The following TAF2 variants were observed in gnomAD, a reference collection of about 807,000 sequenced individuals.
The protein encoded by TAF2 is transcription initiation factor TFIID subunit 2.
TAF2 carries 61 observed loss-of-function variants against 138.5 expected under a neutral mutation model. The ratio of observed to expected loss-of-function variants is 0.44; its 90% CI spans 0.36 to 0.54. TAF2 has a LOEUF of 0.54. Ranked by LOEUF, TAF2 falls within the 20% of genes least tolerant of loss-of-function variation. The pLI is 0.00. For synonymous variants in TAF2, 475 were observed against 469.9 expected, an observed-to-expected ratio of 1.01 and a Z score of -0.14; for missense variants, 1,090 against 1,427.9, an observed-to-expected ratio of 0.76 and a Z score of 3.81.
chr8:119,821,667 T>C (rs913941301), intron 2 of TAF2, among the ~76,000 whole-genome samples: 1 of 152,166 alleles, frequency 6.6e-6, no homozygotes, highest in African/African-American at 2.4e-5. Context: ...AACTGTATGA[T>C]ATTGAGCTAG....
chr8:119,740,783 T>G (rs1819558961), intron 25 of TAF2, among the ~76,000 whole-genome samples: 1 of 152,064 alleles, frequency 6.6e-6, no homozygotes, highest in African/African-American at 2.4e-5. Context: ...AACACTATTA[T>G]TTGTAAAATG....
At chr8:119,830,062 C>T (rs368246557) in intron 2 of TAF2, among the ~76,000 whole-genome samples, 10 of 151,796 alleles carry the variant, frequency 6.6e-5, no homozygotes, top group African/African-American at 2.4e-4. Context: ...CCACAGCCGG[C>T]TAATTTTTTG....
intron 3 of TAF2, among the ~76,000 whole-genome samples, chr8:119,817,551 A>G (rs967565210): frequency 2.6e-5 from 4 of 152,252 alleles, no homozygotes; most frequent in Non-Finnish European, 5.9e-5. Flanking sequence ...CATTATTACT[A>G]GAGAAAAATT....
intron 18 of TAF2, among the ~76,000 whole-genome samples, chr8:119,773,873 T>C (rs1314850096): frequency 2.0e-5 from 3 of 151,626 alleles, no homozygotes; most frequent in Non-Finnish European, 4.4e-5. Context: ...AATTGTCTTA[T>C]TAAAAATATT....
Position 119,782,107 on chromosome 8 carries a change from C to T in TAF2, c.2113-914G>A, listed in dbSNP as rs565561899. The stretch of plus-strand genomic sequence containing the variant: ...ATATTTTGAATAGTCTGTCTTTATT[C>T]GTTTAGACAGATATAATTCTAATAT... On this transcript the variant is annotated intron_variant, in intron 16 of 25. Coordinates refer to ENST00000378164, the MANE Select transcript of TAF2 (RefSeq NM_003184.4). Among the ~76,000 whole-genome samples, 44 of 152,182 alleles carry T rather than the reference C, an allele frequency of 2.9e-4. 2 individuals carry two copies. The South Asian group carries it at 7.2e-3, about 25-fold the overall frequency.
intron 23 of TAF2, chr8:119,745,127 T>G (rs1819868461): frequency 2.4e-6 from 1 of 422,836 alleles, no homozygotes; most frequent in Admixed American, 2.6e-5. Flanking sequence ...ACCATGCAGA[T>G]TAGAGCATGC....
Position 119,783,458 on chromosome 8 carries a change from G to A in TAF2, c.2035C>T (p.Leu679Phe). The A allele has an allele frequency of 6.2e-7, 1 of 1,614,154 alleles. No individual in the cohort carries two copies. The highest frequency in any genetic ancestry group is 8.5e-7 in the Non-Finnish European group (1 of 1,180,024). Residue 679 changes from leucine to phenylalanine, a missense_variant, in exon 16 of 26, where the codon CTT (leucine) becomes TTT (phenylalanine). Leu to Phe is a conservative substitution (Grantham distance 22, BLOSUM62 0). Transcript: ENST00000378164. ...TGTTCTAATATATCAGTGAGTGCAA[G>A]CCGAGATGCTGGAGTAGGGAATTTT... ...LEKFPTPASR[L>F]ALTDILEQEQ...
At chr8:119,753,411 G>C (rs1038723200) in intron 22 of TAF2, among the ~76,000 whole-genome samples, 23 of 152,038 alleles carry the variant, frequency 1.5e-4, no homozygotes, top group Non-Finnish European at 3.2e-4. Context: ...ACAATACTCT[G>C]TAGTCCATCT....
At chr8:119,814,808 C>G (rs1039076640) in intron 3 of TAF2, among the ~76,000 whole-genome samples, 9 of 146,918 alleles carry the variant, frequency 6.1e-5, no homozygotes, top group African/African-American at 2.3e-4. Flanking sequence ...ACTAGGGAAG[C>G]TGAGACAGGA....
chr8:119,740,344 GAA>G (rs1315496899), intron 25 of TAF2, among the ~76,000 whole-genome samples: 3 of 151,790 alleles, frequency 2.0e-5, no homozygotes, highest in Non-Finnish European at 1.5e-5. Context: ...GGCTAGTTTG[GAA>G]AAGTTACTTA....
chr8:119,785,676 A>G (rs920910383), intron 14 of TAF2, among the ~76,000 whole-genome samples: 1 of 152,226 alleles, frequency 6.6e-6, no homozygotes, highest in Non-Finnish European at 1.5e-5. Flanking sequence ...GTTCTGTCCT[A>G]TATGAATTAG....
chr8:119,781,608 C>T (rs571961740), intron 16 of TAF2, among the ~76,000 whole-genome samples: 6 of 151,790 alleles, frequency 4.0e-5, no homozygotes, highest in Admixed American at 6.6e-5. Context: ...TGACTCAGGA[C>T]GGGGAGGGGG....
intron 18 of TAF2, among the ~76,000 whole-genome samples, chr8:119,773,175 A>T (rs1440000788): frequency 6.6e-6 from 1 of 150,626 alleles, no homozygotes; most frequent in Non-Finnish European, 1.5e-5. Context: ...AGCAAAATTT[A>T]GCTACAAAAT....
intron 23 of TAF2, among the ~76,000 whole-genome samples, chr8:119,745,189 T>G (rs909125599): frequency 1.3e-5 from 2 of 152,234 alleles, no homozygotes; most frequent in African/African-American, 4.8e-5. Flanking sequence ...AATCTTTTCT[T>G]GTCTGCTGGT....
chr8:119,815,343 C>G (rs1004890989), intron 3 of TAF2, among the ~76,000 whole-genome samples: 7 of 151,356 alleles, frequency 4.6e-5, no homozygotes, highest in Admixed American at 3.9e-4. Context: ...GGCTGGATCT[C>G]TGCTCACTGC....
chr8:119,735,508 T>C (rs1242467759), intron 25 of TAF2, among the ~76,000 whole-genome samples: 1 of 152,236 alleles, frequency 6.6e-6, no homozygotes, highest in African/African-American at 2.4e-5. Flanking sequence ...ACTGCTCCAA[T>C]ATTTTAGAAC....
chr8:119,772,217 A>G (rs1042510286), intron 18 of TAF2, among the ~76,000 whole-genome samples: 3 of 152,246 alleles, frequency 2.0e-5, no homozygotes, highest in African/African-American at 7.2e-5. Flanking sequence ...TGCCTACATC[A>G]AAAAGAGAGA....
At chr8:119,771,776 G>T (rs113015389) in intron 18 of TAF2, among the ~76,000 whole-genome samples, 1 of 152,004 alleles carries the variant, frequency 6.6e-6, no homozygotes, top group African/African-American at 2.4e-5. Flanking sequence ...ACACTAGATA[G>T]GTCATTGAGG....
Position 119,797,819 on chromosome 8 carries a change from G to T in TAF2, c.820C>A (p.Leu274Ile). Reference sequence around the variant, plus strand: ...GATGTGGTATGTTTCAGCAATGGAAGAAGTTGGGGCAAACAAAAATGAGTA... The same window carrying T: ...GATGTGGTATGTTTCAGCAATGGAATAAGTTGGGGCAAACAAAAATGAGTA... Reference protein sequence around the residue: ...EVTHFCLPQLLPLLKHTTSYL... With the variant: ...EVTHFCLPQLIPLLKHTTSYL... The change falls in exon 7 of 26, where the codon CTT becomes ATT. Residue 274 changes from leucine (L) to isoleucine (I), a missense_variant. Physicochemically the swap from Leu to Ile is conservative, Grantham distance 5. This residue lies in a region of TAF2 where 504 missense variants were observed against 680.9 expected (regional missense o/e 0.74). Coordinates refer to ENST00000378164, the MANE Select transcript of TAF2 (RefSeq NM_003184.4). 6.2e-7 allele frequency: 1 copy of T among 1,613,516 alleles called. No individual in the cohort carries two copies. Among genetic ancestry groups the T allele is most frequent in the South Asian group, 1.1e-5 (1 of 91,052 alleles).
Sources: gnomAD v4.1 joint callset for allele counts (sites outside exome capture counted in the v4.1 genomes callset) on GRCh38, gnomAD v4.1.1 for gene constraint, gnomAD v4.1.1 regional missense constraint, MANE v1.5 for transcripts, NCBI Gene and HGNC (gene_info 2026-07-23, HGNC 2026-07-21) for gene names.